CCDC126: variants seen among roughly 807,000 people sequenced by gnomAD.
CCDC126 encodes the protein coiled-coil domain containing 126, also known as coiled-coil domain-containing protein 126.
CCDC126 carries 5 observed loss-of-function variants against 11.7 expected under a neutral mutation model. The observed-to-expected ratio is 0.43, with a 90% CI of 0.22 to 0.90. The LOEUF is 0.90. CCDC126 is among the 40% of genes least tolerant of loss of function. The pLI is 0.27. For synonymous variants in CCDC126, 60 were observed against 61.9 expected, an observed-to-expected ratio of 0.97 and a Z score of 0.14; for missense variants, 150 against 163.1, an observed-to-expected ratio of 0.92 and a Z score of 0.44.
At chr7:23,634,768 G>A (rs973038365) in intron 3 of CCDC126, among the ~76,000 whole-genome samples, 4 of 152,200 alleles carry the variant, frequency 2.6e-5, no homozygotes, top group East Asian at 3.9e-4. Context: ...GGTCTCTGGC[G>A]GTACCCATGA....
intron 2 of CCDC126, among the ~76,000 whole-genome samples, chr7:23,608,818 C>A (rs538231028): frequency 2.0e-4 from 30 of 152,246 alleles, no homozygotes; most frequent in African/African-American, 6.3e-4. Flanking sequence ...TATGGGAAAC[C>A]AGAATTTTAT....
intron 3 of CCDC126, among the ~76,000 whole-genome samples, chr7:23,635,799 C>T (rs189905612): frequency 6.6e-6 from 1 of 152,292 alleles, no homozygotes; most frequent in East Asian, 1.9e-4. Flanking sequence ...AATTCTCACA[C>T]CTCAGTTTAA....
chr7:23,628,025 T>A (rs569856044), intron 3 of CCDC126, among the ~76,000 whole-genome samples: 30 of 152,314 alleles, frequency 2.0e-4, no homozygotes, highest in African/African-American at 6.0e-4. Flanking sequence ...TAATTCATTT[T>A]AAAAATATAT....
chr7:23,634,404 A>G lies in CCDC126; in HGVS notation c.239-8527A>G, dbSNP rs111404794. Among the ~76,000 whole-genome samples, 27 of 152,314 alleles carry G rather than the reference A, an allele frequency of 1.8e-4. 2 individuals carry two copies. The highest frequency in any genetic ancestry group is 4.6e-4 in the African/African-American group (19 of 41,570). On this transcript the variant is annotated intron_variant, in intron 3 of 3. Transcript: ENST00000307471. ...CAGGAGGTCGAGGCTGCAGTGAGCC[A>G]TGATTGTGCTATTGCACTCCAGCCT...
Position 23,639,192 on chromosome 7 carries a change from C to CTTTT in CCDC126, c.239-3725_239-3722dup, listed in dbSNP as rs1245503837. On this transcript the variant is annotated intron_variant, in intron 3 of 3. Coordinates refer to ENST00000307471, the MANE Select transcript of CCDC126 (RefSeq NM_138771.4). ...CAATTGGCTAACATTTTTTTTATGT[C>CTTTT]TTTTTTTTTTTTTTTTTGAGATGGA... Among the ~76,000 whole-genome samples the CTTTT allele has an allele frequency of 1.2e-4, 16 of 137,156 alleles. No individual in the cohort carries two copies. The South Asian group carries it at 3.7e-3, about 32-fold the overall frequency. The allele number at this position is 137,156 out of a possible 152,430, so 90.0% of individuals were successfully genotyped here.
At chr7:23,639,120 A>T (rs73077163) in intron 3 of CCDC126, among the ~76,000 whole-genome samples, 1 of 151,886 alleles carries the variant, frequency 6.6e-6, no homozygotes. Flanking sequence ...TACAGAAAAA[A>T]TTTAAAAATT....
intron 3 of CCDC126, among the ~76,000 whole-genome samples, chr7:23,639,983 G>GACC (rs1197934031): frequency 2.0e-5 from 3 of 151,462 alleles, no homozygotes; most frequent in Admixed American, 2.0e-4. Context: ...CGAGACCAGA[G>GACC]ACCAGCCTGG....
At chr7:23,622,888 T>C (rs149666042) in intron 3 of CCDC126, 1 of 366,518 alleles carries the variant, frequency 2.7e-6, no homozygotes, top group Non-Finnish European at 5.3e-6. Flanking sequence ...GCGAGTTCAT[T>C]ACACATGCAG....
Position 23,598,004 on chromosome 7 carries a change from G to C in CCDC126, c.-193G>C, listed in dbSNP as rs1255878024. 1 of 152,280 alleles carries C rather than the reference G, an allele frequency of 6.6e-6. No individual in the cohort carries two copies. The highest frequency in any genetic ancestry group is 1.5e-5 in the Non-Finnish European group (1 of 68,088). The allele number at this position is 152,280 out of a possible 1,614,324, so 9.4% of individuals were successfully genotyped here. ...CTACTTTGGGAGAGAGAGAAAGTCA[G>C]ATGCCCCTTTTAAACTCCCTCTTCA... is the stretch of plus-strand genomic sequence containing the variant. On this transcript the variant is annotated 5_prime_UTR_variant, in exon 2 of 4. Coordinates refer to ENST00000307471, the MANE Select transcript of CCDC126 (RefSeq NM_138771.4).
chr7:23,599,841 G>A (rs544024322), intron 2 of CCDC126, among the ~76,000 whole-genome samples: 1 of 152,302 alleles, frequency 6.6e-6, no homozygotes, highest in South Asian at 2.1e-4. Flanking sequence ...TTGGAGTGCA[G>A]TGGTGCGATC....
chr7:23,621,246 T>C (rs570553664), intron 3 of CCDC126, among the ~76,000 whole-genome samples: 1 of 152,336 alleles, frequency 6.6e-6, no homozygotes, highest in African/African-American at 2.4e-5. Flanking sequence ...GTATCCTCTT[T>C]TATTTCGTTG....
intron 3 of CCDC126, chr7:23,622,637 A>G (rs945347775): frequency 9.3e-6 from 5 of 535,652 alleles, no homozygotes; most frequent in South Asian, 2.8e-5. Context: ...CAAGGATCCA[A>G]GGTTTGTACT....
intron 2 of CCDC126, among the ~76,000 whole-genome samples, chr7:23,604,699 A>C (rs1782592214): frequency 6.6e-6 from 1 of 152,158 alleles, no homozygotes; most frequent in South Asian, 2.1e-4. Context: ...CTATAATTTC[A>C]TATAGAAAAT....
intron 3 of CCDC126, among the ~76,000 whole-genome samples, chr7:23,618,914 AG>A (rs1782841768): frequency 1.3e-5 from 2 of 152,042 alleles, no homozygotes; most frequent in African/African-American, 2.4e-5. Flanking sequence ...CTCTAATATC[AG>A]TATATTTAGG....
chr7:23,635,315 T>C (rs946799395), intron 3 of CCDC126, among the ~76,000 whole-genome samples: 1 of 152,196 alleles, frequency 6.6e-6, no homozygotes, highest in African/African-American at 2.4e-5. Context: ...AGGATCTCTG[T>C]TTCCAAGTTG....
At chr7:23,601,572 G>A (rs1782544820) in intron 2 of CCDC126, among the ~76,000 whole-genome samples, 1 of 152,178 alleles carries the variant, frequency 6.6e-6, no homozygotes. Context: ...GGAGTCCTGT[G>A]CTGAAAGTTT....
Position 23,622,865 on chromosome 7 carries a change from A to G in CCDC126, c.238+11312A>G, listed in dbSNP as rs113884017. 212 of 394,072 alleles carry G rather than the reference A, an allele frequency of 5.4e-4. 2 individuals are homozygous for G. The highest frequency in any genetic ancestry group is 3.0e-3 in the Middle Eastern group (3 of 1,010). 24.4% of individuals were successfully genotyped at this position (394,072 alleles called of 1,614,324 possible). On this transcript the variant is annotated intron_variant, in intron 3 of 3. Transcript: ENST00000307471. ...CAATTCCTCTGCCTTTCTGCAACCA[A>G]TGTTCTCTTGTTGCGAGTTCATTAC... is the stretch of plus-strand genomic sequence containing the variant.
In CCDC126 at chr7:23,641,666, C is replaced by G. The variant is rs966241469; in HGVS notation, c.239-1265C>G. Among the ~76,000 whole-genome samples, 4 of 152,118 alleles carry G rather than the reference C, an allele frequency of 2.6e-5. No individual in the cohort carries two copies. In the East Asian group the frequency reaches 7.7e-4, roughly 29 times the overall value. ...CAGGATCAACAAAAATAACAGTATT[C>G]GTTGTCACTAACTGAGTACCTAATA... On this transcript the variant is annotated intron_variant, in intron 3 of 3. Coordinates refer to ENST00000307471, the MANE Select transcript of CCDC126 (RefSeq NM_138771.4).
intron 2 of CCDC126, among the ~76,000 whole-genome samples, chr7:23,599,148 C>T (rs961627495): frequency 6.6e-6 from 1 of 152,220 alleles, no homozygotes; most frequent in Non-Finnish European, 1.5e-5. Context: ...ATGAGCTGCA[C>T]AGTTTCTCTG....
Sources: gnomAD v4.1 joint callset for allele counts (sites outside exome capture counted in the v4.1 genomes callset) on GRCh38, gnomAD v4.1.1 for gene constraint, MANE v1.5 for transcripts, NCBI Gene and HGNC (gene_info 2026-07-23, HGNC 2026-07-21) for gene names.